The following RHEB variants were observed in gnomAD, a reference collection of about 807,000 sequenced individuals.
RHEB encodes the protein Ras homolog, mTORC1 binding, also known as GTP-binding protein Rheb.
A neutral mutation model predicts 28.8 loss-of-function variants in RHEB; 2 were observed. That is an observed-to-expected ratio of 0.07 (90% confidence interval 0.03 to 0.22). RHEB has a LOEUF of 0.22. Ranked by LOEUF, RHEB falls within the 10% of genes least tolerant of loss-of-function variation. The pLI is 1.00. For synonymous variants in RHEB, 69 were observed against 77.3 expected (o/e 0.89, Z 0.56); for missense variants, 76 against 219.9 (o/e 0.35, Z 4.14).
At chr7:151,487,384 G>A (rs1226681821) in intron 2 of RHEB, among the ~76,000 whole-genome samples, 5 of 152,152 alleles carry the variant, frequency 3.3e-5, no homozygotes, top group African/African-American at 1.2e-4. Flanking sequence ...TGAGTCAATA[G>A]CAAATTGAAG....
chr7:151,488,092 G>A (rs188982826), intron 2 of RHEB, among the ~76,000 whole-genome samples: 3 of 152,266 alleles, frequency 2.0e-5, no homozygotes, highest in South Asian at 2.1e-4. Context: ...GGCAGAAGTC[G>A]GAAATTGCTG....
At chr7:151,486,555 C>G (rs1268369004) in intron 2 of RHEB, among the ~76,000 whole-genome samples, 1 of 152,134 alleles carries the variant, frequency 6.6e-6, no homozygotes, top group Non-Finnish European at 1.5e-5. Flanking sequence ...AGCTAAAGCT[C>G]AGAGAGAACG....
At chr7:151,489,119 T>C (rs1024200035) in intron 2 of RHEB, among the ~76,000 whole-genome samples, 1 of 152,208 alleles carries the variant, frequency 6.6e-6, no homozygotes, top group East Asian at 1.9e-4. Flanking sequence ...TGAAATGGCA[T>C]GAGGATACAG....
intron 1 of RHEB, among the ~76,000 whole-genome samples, chr7:151,509,604 C>G (rs73729824): frequency 0.035 from 5,325 of 152,260 alleles, 269 homozygotes; most frequent in African/African-American, 0.11. Context: ...CCCATTTCTA[C>G]TCCCTTACCA....
intron 4 of RHEB, among the ~76,000 whole-genome samples, chr7:151,474,877 T>C (rs1286390580): frequency 6.6e-6 from 1 of 152,240 alleles, no homozygotes; most frequent in Non-Finnish European, 1.5e-5. Flanking sequence ...TACTGACATA[T>C]TTCTTGTATA....
intron 1 of RHEB, among the ~76,000 whole-genome samples, chr7:151,513,296 G>C (rs1383384164): frequency 6.6e-6 from 1 of 152,172 alleles, no homozygotes; most frequent in Non-Finnish European, 1.5e-5. Context: ...TATTGCAAAT[G>C]TGAATAGCTG....
intron 1 of RHEB, among the ~76,000 whole-genome samples, chr7:151,507,081 A>T (rs1464087238): frequency 6.6e-6 from 1 of 152,224 alleles, no homozygotes; most frequent in Non-Finnish European, 1.5e-5. Context: ...CTCGTTGGGG[A>T]CTAACAATAG....
chr7:151,477,936 T>G (rs1262999813), intron 3 of RHEB, among the ~76,000 whole-genome samples: 3 of 146,390 alleles, frequency 2.0e-5, no homozygotes, highest in South Asian at 2.2e-4. Flanking sequence ...GGGAGGGAGG[T>G]GGGGGAGAGA....
At chr7:151,510,877 G>A (rs1316334542) in intron 1 of RHEB, among the ~76,000 whole-genome samples, 4 of 151,982 alleles carry the variant, frequency 2.6e-5, no homozygotes, top group African/African-American at 9.7e-5. Flanking sequence ...CCAGGACTTC[G>A]AGACCAGTCG....
chr7:151,517,349 C>A (rs1323558839), intron 1 of RHEB, among the ~76,000 whole-genome samples: 8 of 128,020 alleles, frequency 6.2e-5, no homozygotes, highest in African/African-American at 2.0e-4. Context: ...GCCTGGGTCA[C>A]AAGAGCGAAA....
At chr7:151,503,274 G>C in intron 1 of RHEB, 1 of 787,022 alleles carries the variant, frequency 1.3e-6, no homozygotes, top group Admixed American at 1.7e-5. Flanking sequence ...GCATGCCCCT[G>C]TTGGAATGGT....
At position 151,484,874 on chromosome 7, in the gene RHEB, T is replaced by C. The variant is rs976024712; in HGVS notation, c.125-70A>G. ...TCGAAACCACCTGAAGTTTGAACAA[T>C]GACAACCAATCAAGCACAGAGTCCC... On this transcript the variant is annotated intron_variant, in intron 2 of 7. Transcript: ENST00000262187. 4 of 1,023,924 alleles carry C rather than the reference T, an allele frequency of 3.9e-6. No individual in the cohort carries two copies. The African/African-American group carries it at 6.3e-5, about 16-fold the overall frequency. 63.4% of individuals were successfully genotyped at this position (1,023,924 alleles called of 1,614,324 possible).
At chr7:151,495,070 T>A (rs989011319) in intron 1 of RHEB, among the ~76,000 whole-genome samples, 2 of 152,246 alleles carry the variant, frequency 1.3e-5, no homozygotes, top group African/African-American at 4.8e-5. Context: ...GCATTGGTGA[T>A]CTCTACTGTG....
intron 1 of RHEB, 88 bp from the exon 2 acceptor site, chr7:151,491,102 G>A: frequency 2.4e-6 from 2 of 842,336 alleles, no homozygotes; most frequent in Admixed American, 4.4e-5. Context: ...ACCATTAATA[G>A]ATGAAGACAC....
chr7:151,512,731 T>G (rs1292985483), intron 1 of RHEB, among the ~76,000 whole-genome samples: 1 of 152,212 alleles, frequency 6.6e-6, no homozygotes, highest in Non-Finnish European at 1.5e-5. Context: ...CAATTCGATT[T>G]TGCACAGCAG....
At chr7:151,474,488 A>C (rs1304181593) in intron 4 of RHEB, among the ~76,000 whole-genome samples, 1 of 152,102 alleles carries the variant, frequency 6.6e-6, no homozygotes, top group East Asian at 1.9e-4. Flanking sequence ...GCCCTTAACT[A>C]ATGTTTTAAA....
Position 151,472,670 on chromosome 7 carries a change from G to A in RHEB, c.276-1065C>T, listed in dbSNP as rs1010053533. Among the ~76,000 whole-genome samples the A allele has an allele frequency of 6.6e-6, 1 of 152,036 alleles. No homozygotes were observed. The highest frequency in any genetic ancestry group is 2.1e-4 in the South Asian group (1 of 4,820). ...AGACATCCTATCTCGCATGTGTGTC[G>A]TTTTACTGTTTGTCTCCCACACCAG... On this transcript the variant is annotated intron_variant, in intron 4 of 7. Coordinates refer to ENST00000262187, the MANE Select transcript of RHEB (RefSeq NM_005614.4). This position sits in a 1 kb window ranked among gnomAD's most constrained non-coding sequence, Gnocchi z 5.2.
intron 3 of RHEB, among the ~76,000 whole-genome samples, chr7:151,483,909 A>C (rs915909908): frequency 6.6e-6 from 1 of 152,194 alleles, no homozygotes; most frequent in Non-Finnish European, 1.5e-5. Context: ...CCTTGCTTCC[A>C]GCCAATTCCC....
rs548168190 is a variant in RHEB, at chr7:151,498,458, A to T, written c.53-7444T>A. ...ACAGTGAGACCCCCCCAGTCTCTAT[A>T]AAAAAAATACAAAAAAAAATTAGCA... On this transcript the variant is annotated intron_variant, in intron 1 of 7. Coordinates refer to ENST00000262187, the MANE Select transcript of RHEB (RefSeq NM_005614.4). Among the ~76,000 whole-genome samples, 58 of 151,854 alleles carry T rather than the reference A, an allele frequency of 3.8e-4. 1 individual carries two copies. The South Asian group carries it at 5.0e-3, about 13-fold the overall frequency.
Sources: allele counts gnomAD v4.1 joint callset (sites outside exome capture counted in the v4.1 genomes callset), GRCh38; gene constraint gnomAD v4.1.1; non-coding constraint Gnocchi (gnomAD v3.1); transcripts MANE v1.5; gene names NCBI Gene and HGNC (gene_info 2026-07-23, HGNC 2026-07-21).